AGBL2: variants seen among roughly 807,000 people sequenced by gnomAD.
The protein encoded by AGBL2 is cytosolic carboxypeptidase 2.
Under a neutral mutation model 103.0 loss-of-function variants are expected in AGBL2, and 87 were observed. The observed-to-expected ratio is 0.84, with a 90% CI of 0.71 to 1.01. AGBL2 has a LOEUF of 1.01. Among genes scored for constraint, AGBL2 ranks in the 50% least tolerant of loss-of-function variants. The pLI is 0.00. For synonymous variants in AGBL2, 335 were observed against 356.7 expected, an observed-to-expected ratio of 0.94 and a Z score of 0.69; for missense variants, 904 against 1,023.5, an observed-to-expected ratio of 0.88 and a Z score of 1.59.
At chr11:47,699,649 C>T in intron 7 of AGBL2, 96 bp from the exon 8 acceptor site, 1 of 672,546 alleles carries the variant, frequency 1.5e-6, no homozygotes, top group Non-Finnish European at 2.3e-6. Flanking sequence ...TTTCAAATGG[C>T]TAGTTTGGTT....
At chr11:47,704,156 G>A (rs1006361743) in intron 7 of AGBL2, among the ~76,000 whole-genome samples, 6 of 151,810 alleles carry the variant, frequency 4.0e-5, no homozygotes, top group African/African-American at 1.2e-4. Context: ...ACTTAAGCAC[G>A]TAGGACTTAA....
intron 11 of AGBL2, among the ~76,000 whole-genome samples, chr11:47,683,492 C>T (rs1035778370): frequency 6.6e-6 from 1 of 151,988 alleles, no homozygotes; most frequent in African/African-American, 2.4e-5. Flanking sequence ...TAATATCGGT[C>T]AGGCACAGTG....
In AGBL2 at chr11:47,714,748, A is replaced by G; in HGVS notation, c.-98T>C. 1 of 1,262,950 alleles carries G rather than the reference A, an allele frequency of 7.9e-7. No homozygotes were observed. The highest frequency in any genetic ancestry group is 1.2e-6 in the Non-Finnish European group (1 of 861,084). 78.2% of individuals were successfully genotyped at this position (1,262,950 alleles called of 1,614,324 possible). ...AAATAGGCAGCTGATTACACAAGAG[A>G]AGCTACAAAGCCACAAGAGGACAAG... On this transcript the variant is annotated splice_region_variant and 5_prime_UTR_variant, in exon 2 of 19. Transcript: ENST00000525123.
chr11:47,684,273 AAAAT>A, intron 11 of AGBL2, among the ~76,000 whole-genome samples: 1 of 151,928 alleles, frequency 6.6e-6, no homozygotes, highest in East Asian at 2.0e-4. Flanking sequence ...ACGTCTTGAA[AAAAT>A]AAATAAAAGG....
In AGBL2 at chr11:47,668,899, C is replaced by T; in HGVS notation, c.2156G>A (p.Gly719Asp). 1 of 1,611,926 alleles carries T rather than the reference C, an allele frequency of 6.2e-7. No individual in the cohort carries two copies. Reference protein sequence around the residue: ...SLSDIESSTSGSDSSLSDGLP... With the variant: ...SLSDIESSTSDSDSSLSDGLP... The stretch of plus-strand genomic sequence containing the variant: ...ACCATCTGAGAGAGAACTGTCAGAG[C>T]CACTGGTGCTGTTTCCAAAAGAAAA... Residue 719 changes from glycine (G) to aspartate (D), a missense_variant, in exon 15 of 19, where the codon GGC becomes GAC. Coordinates refer to ENST00000525123, the MANE Select transcript of AGBL2 (RefSeq NM_024783.4).
intron 17 of AGBL2, among the ~76,000 whole-genome samples, chr11:47,665,437 C>T (rs1291335886): frequency 6.6e-6 from 1 of 151,998 alleles, no homozygotes. Context: ...CTCAAGCAGT[C>T]CTCCTCTCTC....
intron 9 of AGBL2, among the ~76,000 whole-genome samples, chr11:47,691,573 T>C (rs2097445429): frequency 6.7e-6 from 1 of 148,252 alleles, no homozygotes. Context: ...CCAGGCATGG[T>C]GGCAGGCGCC....
chr11:47,707,094 G>GAT (rs1363805357), intron 4 of AGBL2, among the ~76,000 whole-genome samples: 1 of 151,612 alleles, frequency 6.6e-6, no homozygotes, highest in Non-Finnish European at 1.5e-5. Flanking sequence ...AGCTACTAGG[G>GAT]AGGCTGAGGC....
intron 11 of AGBL2, 93 bp from the exon 12 acceptor site, chr11:47,682,188 G>T: frequency 7.9e-7 from 1 of 1,264,788 alleles, no homozygotes; most frequent in Non-Finnish European, 1.1e-6. Flanking sequence ...ATTTCCTTGG[G>T]GTCCATATGT....
chr11:47,661,561 G>A (rs558167750), intron 18 of AGBL2, among the ~76,000 whole-genome samples: 3 of 152,200 alleles, frequency 2.0e-5, no homozygotes, highest in South Asian at 2.1e-4. Context: ...GAGCATCAGT[G>A]CAAGAATTCC....
chr11:47,666,676 T>C, intron 17 of AGBL2: 1 of 573,734 alleles, frequency 1.7e-6, no homozygotes, highest in Non-Finnish European at 3.1e-6. Context: ...ATTGAGTAGA[T>C]GGGTGAGTAG....
intron 2 of AGBL2, 43 bp downstream of exon 2, chr11:47,714,575 T>C (rs1242793673): frequency 1.9e-6 from 3 of 1,605,266 alleles, no homozygotes; most frequent in East Asian, 2.2e-5. Flanking sequence ...AGAAATGGAG[T>C]TCCCCGAAGA....
At chr11:47,708,683 G>A (rs992902010) in intron 4 of AGBL2, among the ~76,000 whole-genome samples, 36 of 151,846 alleles carry the variant, frequency 2.4e-4, no homozygotes, top group South Asian at 1.9e-3. Flanking sequence ...GCATGGTGGC[G>A]CGTGCCTGTA....
At chr11:47,692,612 C>CCAGGATGGTCT (rs1775185935) in intron 8 of AGBL2, among the ~76,000 whole-genome samples, 1 of 151,164 alleles carries the variant, frequency 6.6e-6, no homozygotes, top group Non-Finnish European at 1.5e-5. Flanking sequence ...CGGAGTTTCA[C>CCAGGATGGTCT]CGTGTTAGCC....
At chr11:47,693,162 C>CCCTT (rs1010412774) in intron 8 of AGBL2, among the ~76,000 whole-genome samples, 1 of 151,476 alleles carries the variant, frequency 6.6e-6, no homozygotes, top group African/African-American at 2.4e-5. Flanking sequence ...CTCCCTCCCT[C>CCCTT]CCTTCCTTCC....
chr11:47,686,083 A>AGT (rs1370362249), intron 10 of AGBL2, 34 bp from the exon 11 acceptor site: 2 of 1,594,640 alleles, frequency 1.3e-6, no homozygotes, highest in Non-Finnish European at 1.7e-6. Flanking sequence ...CTCAGTGGAC[A>AGT]CCCAAATGCA....
chr11:47,714,179 A>G (rs532799136), intron 3 of AGBL2, 105 bp downstream of exon 3: 3 of 805,700 alleles, frequency 3.7e-6, no homozygotes, highest in East Asian at 5.1e-5. Flanking sequence ...TTATTTGTCA[A>G]TGCAAATTAT....
chr11:47,690,403 T>TA lies in AGBL2; in HGVS notation c.1303dup (p.Tyr435LeufsTer33). On this transcript the variant is annotated frameshift_variant, in exon 10 of 19. Transcript: ENST00000525123. LOFTEE classifies it high-confidence loss of function. ...GGATGGGTTGGTGATGGTGAGCAAG[T>TA]AAACGGTATTTCCTGCTAGGCTCCT... is the stretch of plus-strand genomic sequence containing the variant. 6.2e-7 allele frequency: 1 copy of TA among 1,614,144 alleles called. No individual in the cohort carries two copies. Among genetic ancestry groups the TA allele is most frequent in the South Asian group, 1.1e-5 (1 of 91,084 alleles).
chr11:47,680,481 A>C (rs575846863), intron 12 of AGBL2, among the ~76,000 whole-genome samples: 1 of 139,680 alleles, frequency 7.2e-6, no homozygotes, highest in East Asian at 2.2e-4. Context: ...ATAAAAAATA[A>C]AAAAATACCA....
Sources: gnomAD v4.1 joint callset for allele counts (sites outside exome capture counted in the v4.1 genomes callset) on GRCh38, gnomAD v4.1.1 for gene constraint, MANE v1.5 for transcripts, NCBI Gene and HGNC (gene_info 2026-07-23, HGNC 2026-07-21) for gene names.